The following CCSER1 variants were observed in gnomAD, a reference collection of about 807,000 sequenced individuals.
CCSER1 encodes the protein serine-rich coiled-coil domain-containing protein 1.
Under a neutral mutation model 82.0 loss-of-function variants are expected in CCSER1, and 41 were observed. That is an observed-to-expected ratio of 0.50 (90% confidence interval 0.39 to 0.65). The LOEUF (loss-of-function observed/expected upper bound fraction) is 0.65. CCSER1 is among the 30% of genes least tolerant of loss of function. CCSER1 has a pLI of 0.00. For missense variants in CCSER1, 1,119 were observed against 1,064.2 expected, an observed-to-expected ratio of 1.05 and a Z score of -0.72; for synonymous variants, 414 against 383.9, an observed-to-expected ratio of 1.08 and a Z score of -0.92.
At chr4:90,769,303 T>C (rs1233801162) in intron 7 of CCSER1, among the ~76,000 whole-genome samples, 1 of 152,104 alleles carries the variant, frequency 6.6e-6, no homozygotes. Context: ...TGCAGAAACA[T>C]TTTCAGCTTG....
At chr4:90,425,812 A>G (rs1757442263) in intron 4 of CCSER1, among the ~76,000 whole-genome samples, 1 of 152,136 alleles carries the variant, frequency 6.6e-6, no homozygotes, top group Admixed American at 6.5e-5. Flanking sequence ...TTTTCTACAC[A>G]CTAAACTTGA....
intron 10 of CCSER1, among the ~76,000 whole-genome samples, chr4:91,557,850 A>G (rs190940132): frequency 6.6e-6 from 1 of 151,522 alleles, no homozygotes; most frequent in Non-Finnish European, 1.5e-5. Context: ...AGTAGTCTCC[A>G]AAGTTTTTAG....
chr4:90,422,205 A>G (rs1010295476), intron 4 of CCSER1, among the ~76,000 whole-genome samples: 1 of 152,306 alleles, frequency 6.6e-6, no homozygotes, highest in Non-Finnish European at 1.5e-5. Flanking sequence ...ACATCTCTGA[A>G]CACAACAACA....
chr4:91,118,931 G>C (rs1224932743), intron 10 of CCSER1, among the ~76,000 whole-genome samples: 2 of 152,078 alleles, frequency 1.3e-5, no homozygotes, highest in African/African-American at 4.8e-5. Context: ...TCTTCCACAG[G>C]CAGTCTGGGT....
chr4:90,205,165 G>A (rs976563520), intron 1 of CCSER1, among the ~76,000 whole-genome samples: 9 of 151,948 alleles, frequency 5.9e-5, no homozygotes, highest in South Asian at 2.1e-4. Flanking sequence ...TTCTGTCTTC[G>A]TTTTTGAATA....
intron 5 of CCSER1, among the ~76,000 whole-genome samples, chr4:90,523,574 A>T (rs558340223): frequency 2.5e-4 from 38 of 152,312 alleles, no homozygotes; most frequent in African/African-American, 8.4e-4. Flanking sequence ...ATGGGATTTG[A>T]GAATACAGTT....
intron 4 of CCSER1, among the ~76,000 whole-genome samples, chr4:90,428,041 T>C (rs1307152336): frequency 2.0e-5 from 3 of 151,914 alleles, no homozygotes; most frequent in Non-Finnish European, 4.4e-5. Flanking sequence ...ACAAGTGTTA[T>C]AGATTGATGT....
intron 8 of CCSER1, among the ~76,000 whole-genome samples, chr4:90,854,358 A>C (rs1764224482): frequency 6.6e-6 from 1 of 152,220 alleles, no homozygotes; most frequent in African/African-American, 2.4e-5. Context: ...TACTCCAAGT[A>C]GGTGTTTCAT....
At chr4:90,981,041 T>C (rs1440426475) in intron 9 of CCSER1, among the ~76,000 whole-genome samples, 1 of 151,742 alleles carries the variant, frequency 6.6e-6, no homozygotes, top group African/African-American at 2.4e-5. Flanking sequence ...TAGAAGGGCA[T>C]TAACTCTCTC....
At chr4:91,142,909 A>G (rs1200041362) in intron 10 of CCSER1, among the ~76,000 whole-genome samples, 3 of 151,966 alleles carry the variant, frequency 2.0e-5, no homozygotes, top group Non-Finnish European at 4.4e-5. Context: ...AATTTGGGTA[A>G]TGTAATCCCT....
At position 91,593,493 on chromosome 4, in the gene CCSER1, T is replaced by TA. The variant is rs1553959864; in HGVS notation, c.2218-5078dup. ...TTTTTTTTTTTTTTTTTTTTTTTTT[T>TA]AGTACAGACAGGGTTTCACCATGTT... On this transcript the variant is annotated intron_variant, in intron 10 of 10. Transcript: ENST00000509176. Among the ~76,000 whole-genome samples the TA allele has an allele frequency of 5.5e-5, 8 of 146,502 alleles. 1 individual carries two copies. The South Asian group carries it at 1.5e-3, about 28-fold the overall frequency.
intron 6 of CCSER1, among the ~76,000 whole-genome samples, chr4:90,634,105 T>G (rs1053528464): frequency 1.3e-5 from 2 of 151,588 alleles, no homozygotes; most frequent in African/African-American, 4.8e-5. Context: ...TCTACAGAGG[T>G]GGGTTTTGTT....
chr4:91,444,989 A>G (rs1755456490), intron 10 of CCSER1, among the ~76,000 whole-genome samples: 1 of 152,228 alleles, frequency 6.6e-6, no homozygotes, highest in African/African-American at 2.4e-5. Context: ...TACAGGAAAG[A>G]GAGTGTGTTG....
At chr4:90,613,973 C>T (rs1368879280) in intron 5 of CCSER1, among the ~76,000 whole-genome samples, 3 of 152,128 alleles carry the variant, frequency 2.0e-5, no homozygotes, top group Non-Finnish European at 4.4e-5. Context: ...CCTTGCTTTA[C>T]ACAGTGCTTC....
chr4:90,722,443 C>G (rs543251312), intron 6 of CCSER1, among the ~76,000 whole-genome samples: 16 of 151,834 alleles, frequency 1.1e-4, no homozygotes, highest in African/African-American at 3.1e-4. Context: ...TTAGCAATAC[C>G]AGCCTTGTTT....
intron 7 of CCSER1, among the ~76,000 whole-genome samples, chr4:90,734,339 A>T (rs1450215296): frequency 1.3e-5 from 2 of 151,912 alleles, no homozygotes; most frequent in East Asian, 1.9e-4. Flanking sequence ...GTTAGCCAGG[A>T]TGGTCTCGAT....
intron 10 of CCSER1, among the ~76,000 whole-genome samples, chr4:91,141,097 C>T (rs1728980320): frequency 6.6e-6 from 1 of 151,136 alleles, no homozygotes; most frequent in Non-Finnish European, 1.5e-5. Flanking sequence ...TTACTTTTTA[C>T]TTAGGATAAT....
chr4:90,458,390 G>C (rs1762452936), intron 4 of CCSER1, among the ~76,000 whole-genome samples: 1 of 151,342 alleles, frequency 6.6e-6, no homozygotes, highest in African/African-American at 2.4e-5. Context: ...ATCTTGCTCT[G>C]TTGCCCAGGC....
chr4:91,095,919 G>T (rs965226899), intron 10 of CCSER1, among the ~76,000 whole-genome samples: 1 of 152,150 alleles, frequency 6.6e-6, no homozygotes, highest in African/African-American at 2.4e-5. Flanking sequence ...TAGCCATTTA[G>T]TTGCCACCTG....
Sources: gnomAD v4.1 joint callset for allele counts (sites outside exome capture counted in the v4.1 genomes callset) on GRCh38, gnomAD v4.1.1 for gene constraint, MANE v1.5 for transcripts, NCBI Gene and HGNC (gene_info 2026-07-23, HGNC 2026-07-21) for gene names.